Variants in ATP8B4 observed in about 807,000 individuals in gnomAD.
ATP8B4 encodes ATPase phospholipid transporting 8B4 (putative), also known as probable phospholipid-transporting ATPase IM.
ATP8B4 carries 133 observed loss-of-function variants against 145.6 expected under a neutral mutation model. That is an observed-to-expected ratio of 0.91 (90% CI 0.79 to 1.05). The LOEUF (loss-of-function observed/expected upper bound fraction) is 1.05. ATP8B4 is among the 50% of genes least tolerant of loss of function. ATP8B4 has a pLI of 0.00. For synonymous variants in ATP8B4, 507 were observed against 492.9 expected, an observed-to-expected ratio of 1.03 and a Z score of -0.38; for missense variants, 1,458 against 1,425.2, an observed-to-expected ratio of 1.02 and a Z score of -0.37.
At chr15:50,143,424 A>G (rs975417093) in intron 1 of ATP8B4, among the ~76,000 whole-genome samples, 4 of 152,244 alleles carry the variant, frequency 2.6e-5, no homozygotes, top group African/African-American at 9.6e-5. Context: ...CTCTCCAAGT[A>G]GATCTCTCCA....
intron 23 of ATP8B4, chr15:49,883,420 A>G (rs952515100): frequency 3.3e-5 from 5 of 152,170 alleles, no homozygotes; most frequent in African/African-American, 9.7e-5. Flanking sequence ...AGGAAGGAAA[A>G]ATCAGAGTAA....
At chr15:50,054,045 T>G (rs1224562439) in intron 3 of ATP8B4, among the ~76,000 whole-genome samples, 1 of 152,194 alleles carries the variant, frequency 6.6e-6, no homozygotes, top group African/African-American at 2.4e-5. Context: ...TCTGCTAAAT[T>G]GAAAGAATTA....
chr15:50,025,745 C>A (rs1599880854), intron 6 of ATP8B4, among the ~76,000 whole-genome samples: 1 of 152,154 alleles, frequency 6.6e-6, no homozygotes, highest in Non-Finnish European at 1.5e-5. Context: ...CTTCCCTGAC[C>A]AGACACTAAG....
rs755159123 is a variant in ATP8B4, at chr15:50,114,103, C to CTTTTTTTTTTTTTTTTTTTTTTT, written c.-43+4997_-43+5019dup. ...ATTTTCCTTCTTGGTCTCCTAGTTT[C>CTTTTTTTTTTTTTTTTTTTTTTT]TTTTTTTTTTTTTTTTTTTTTTTTT... On this transcript the variant is annotated intron_variant, in intron 1 of 27. Coordinates refer to ENST00000284509, the MANE Select transcript of ATP8B4 (RefSeq NM_024837.4). 6.6e-4 allele frequency among the ~76,000 whole-genome samples: 37 copies of CTTTTTTTTTTTTTTTTTTTTTTT among 55,654 alleles called. 3 individuals carry two copies. The highest frequency in any genetic ancestry group is 1.0e-3 in the South Asian group (1 of 996). The allele number at this position is 55,654 out of a possible 152,430, so 36.5% of individuals were successfully genotyped here. A position where few individuals can be genotyped will look rare whatever the true frequency, so the allele number is the denominator to read the frequency against.
chr15:49,876,514 C>T lies in ATP8B4; in HGVS notation c.2791G>A (p.Asp931Asn). ...AMGIFDQDVSDQNSVDCPQLY... is the reference protein window; with the variant it reads ...AMGIFDQDVSNQNSVDCPQLY... ...TGGGGACAGTCCACGCTGTTCTGGT[C>T]ACTCACATCCTGTAAACAGAGTGTA... The change falls in exon 25 of 28, where the codon GAC (aspartate) becomes AAC (asparagine). Residue 931 changes from aspartate to asparagine, a missense_variant. Transcript: ENST00000284509. 6.2e-7 allele frequency: 1 copy of T among 1,613,904 alleles called. No homozygotes were observed. Among genetic ancestry groups the T allele is most frequent in the Non-Finnish European group, 8.5e-7 (1 of 1,179,864 alleles).
intron 2 of ATP8B4, among the ~76,000 whole-genome samples, chr15:50,092,165 A>G (rs576082810): frequency 1.3e-5 from 2 of 152,238 alleles, no homozygotes; most frequent in East Asian, 1.9e-4. Context: ...ATTTGATGAG[A>G]CAAACCAATG....
intron 25 of ATP8B4, among the ~76,000 whole-genome samples, chr15:49,867,831 G>A (rs2033060840): frequency 6.6e-6 from 1 of 152,138 alleles, no homozygotes; most frequent in South Asian, 2.1e-4. Context: ...CACTATTCCT[G>A]AATTTAAAAA....
chr15:50,023,797 G>GAAAAAAAAAAAAAAAAAAAA (rs1260432604), intron 6 of ATP8B4, among the ~76,000 whole-genome samples: 9 of 91,564 alleles, frequency 9.8e-5, no homozygotes, highest in Non-Finnish European at 1.4e-4. Flanking sequence ...AAAAAAAAAA[G>GAAAAAAAAAAAAAAAAAAAA]AAAAAAAAGA....
intron 6 of ATP8B4, among the ~76,000 whole-genome samples, chr15:50,036,656 G>A (rs1172677370): frequency 6.6e-6 from 1 of 152,160 alleles, no homozygotes; most frequent in Non-Finnish European, 1.5e-5. Context: ...CGTCTTGTAG[G>A]TTGCCCTCTC....
chr15:49,961,755 T>C (rs1268420925), intron 14 of ATP8B4, among the ~76,000 whole-genome samples: 1 of 152,218 alleles, frequency 6.6e-6, no homozygotes, highest in Non-Finnish European at 1.5e-5. Context: ...TAATTCCTTG[T>C]ATCTGCATAA....
At chr15:49,888,034 G>A (rs1305187741) in intron 23 of ATP8B4, among the ~76,000 whole-genome samples, 1 of 152,142 alleles carries the variant, frequency 6.6e-6, no homozygotes, top group Admixed American at 6.5e-5. Context: ...CCTATCTAAT[G>A]ACCTTTTGGG....
chr15:50,027,044 C>T (rs2050059954), intron 6 of ATP8B4, among the ~76,000 whole-genome samples: 1 of 152,146 alleles, frequency 6.6e-6, no homozygotes, highest in Non-Finnish European at 1.5e-5. Context: ...CTCACCCCAC[C>T]ATTCCATTAG....
chr15:49,993,137 T>C (rs2047164778), intron 9 of ATP8B4, among the ~76,000 whole-genome samples: 3 of 152,122 alleles, frequency 2.0e-5, no homozygotes, highest in African/African-American at 7.2e-5. Context: ...TTCTACATAC[T>C]TTGTTTTGCA....
chr15:49,954,258 C>T (rs1044349442), intron 14 of ATP8B4, among the ~76,000 whole-genome samples: 1 of 152,082 alleles, frequency 6.6e-6, no homozygotes, highest in Non-Finnish European at 1.5e-5. Context: ...AACTCCCCTT[C>T]GTGTATACAT....
At chr15:50,114,748 T>G (rs560256327) in intron 1 of ATP8B4, among the ~76,000 whole-genome samples, 1 of 152,176 alleles carries the variant, frequency 6.6e-6, no homozygotes, top group African/African-American at 2.4e-5. Context: ...ATAAAGAAAT[T>G]AGCTCAATGC....
At chr15:50,140,284 G>A (rs1274061374) in intron 1 of ATP8B4, among the ~76,000 whole-genome samples, 1 of 152,128 alleles carries the variant, frequency 6.6e-6, no homozygotes, top group African/African-American at 2.4e-5. Flanking sequence ...TAGTTTCCAA[G>A]AAGCAAAGCC....
chr15:50,129,946 C>CAAAAAAAAAAAAAA (rs59921497), intron 1 of ATP8B4, among the ~76,000 whole-genome samples: 4 of 88,144 alleles, frequency 4.5e-5, no homozygotes, highest in African/African-American at 9.7e-5. Flanking sequence ...GACTCTGACT[C>CAAAAAAAAAAAAAA]AAAAAAAAAA....
chr15:49,945,057 G>A (rs1317148687), intron 14 of ATP8B4, among the ~76,000 whole-genome samples: 1 of 152,046 alleles, frequency 6.6e-6, no homozygotes, highest in East Asian at 1.9e-4. Context: ...GCAGTACTAA[G>A]GAGGAAGTTC....
In ATP8B4 at chr15:50,011,665, G is replaced by A. The variant is rs565284967; in HGVS notation, c.363-748C>T. Among the ~76,000 whole-genome samples the A allele has an allele frequency of 6.6e-5, 10 of 152,250 alleles. No homozygotes were observed. The South Asian group carries it at 2.1e-3, about 32-fold the overall frequency. On this transcript the variant is annotated intron_variant, in intron 6 of 27. Transcript: ENST00000284509. ...TGGCCCCTGATGACAAGTTAGTCAG[G>A]GCTGTCCAAAACCAGACAGGCCCTC... is the stretch of plus-strand genomic sequence containing the variant.
Sources: gnomAD v4.1 joint callset for allele counts (sites outside exome capture counted in the v4.1 genomes callset) on GRCh38, gnomAD v4.1.1 for gene constraint, MANE v1.5 for transcripts, NCBI Gene and HGNC (gene_info 2026-07-23, HGNC 2026-07-21) for gene names.